The following AQP1 variants were observed in gnomAD, a reference collection of about 807,000 sequenced individuals.
AQP1 encodes aquaporin 1 (Colton blood group).
AQP1 carries 11 observed loss-of-function variants against 19.7 expected under a neutral mutation model. That is an observed-to-expected ratio of 0.56 (90% CI 0.35 to 0.92). AQP1 has a LOEUF of 0.92. Ranked by LOEUF, AQP1 falls within the 40% of genes least tolerant of loss-of-function variation. The pLI is 0.01. For synonymous variants in AQP1, 159 were observed against 166.7 expected (o/e 0.95, Z 0.36); for missense variants, 320 against 369.7 (o/e 0.87, Z 1.10).
intron 1 of AQP1, among the ~76,000 whole-genome samples, chr7:30,915,011 C>A (rs1334040573): frequency 6.6e-6 from 1 of 152,204 alleles, no homozygotes; most frequent in African/African-American, 2.4e-5. Flanking sequence ...TGTCCCTGTC[C>A]TAGCTCAGCC....
At position 30,912,355 on chromosome 7, in the gene AQP1, A is replaced by G; in HGVS notation, c.384+62A>G. The stretch of plus-strand genomic sequence containing the variant: ...AATGATGCTGAAAGGCACTGGTTCC[A>G]TCCTCTGCCCATTGTGCAGATGGGG... On this transcript the variant is annotated intron_variant, in intron 1 of 3. Transcript: ENST00000311813. This position sits in a 1 kb window ranked among gnomAD's most constrained non-coding sequence, Gnocchi z 4.3. 2 of 1,573,906 alleles carry G rather than the reference A, an allele frequency of 1.3e-6. No individual in the cohort carries two copies. The highest frequency in any genetic ancestry group is 2.2e-5 in the East Asian group (1 of 44,492).
chr7:30,912,067 C>T lies in AQP1; in HGVS notation c.158C>T (p.Ser53Leu), dbSNP rs761702121. 8.1e-6 allele frequency: 13 copies of T among 1,613,308 alleles called. No homozygotes were observed. The highest frequency in any genetic ancestry group is 1.1e-5 in the South Asian group (1 of 91,090). ...QTAVQDNVKV[S>L]LAFGLSIATL... ...GCGGTCCAGGACAACGTGAAGGTGT[C>T]GCTGGCCTTCGGGCTGAGCATCGCC... The change falls in exon 1 of 4, where the codon TCG (serine) becomes TTG (leucine). Residue 53 changes from serine (S) to leucine (L), a missense_variant. Physicochemically the swap from Ser to Leu is moderately radical, Grantham distance 145. Coordinates refer to ENST00000311813, the MANE Select transcript of AQP1 (RefSeq NM_198098.4). The surrounding 1 kb of genome is among the most constrained non-coding windows in gnomAD (Gnocchi z 4.3).
chr7:30,919,229 G>A (rs1434804322), intron 1 of AQP1, among the ~76,000 whole-genome samples: 1 of 152,210 alleles, frequency 6.6e-6, no homozygotes, highest in Non-Finnish European at 1.5e-5. Flanking sequence ...CCCAGGCCAG[G>A]AGGAGATGCA....
In AQP1 at chr7:30,922,625, A is replaced by T; in HGVS notation, c.611A>T (p.His204Leu). 1 of 1,614,114 alleles carries T rather than the reference A, an allele frequency of 6.2e-7. No individual in the cohort carries two copies. Among genetic ancestry groups the T allele is most frequent in the Non-Finnish European group, 8.5e-7 (1 of 1,179,990 alleles). ...TCCTTTGGCTCCGCGGTGATCACAC[A>T]CAACTTCAGCAACCACTGGGTAGGA... ...ARSFGSAVIT[H>L]NFSNHWIFWV... Residue 204 changes from histidine (H) to leucine (L), a missense_variant, in exon 3 of 4, where the codon CAC becomes CTC. His to Leu is a moderately conservative substitution (Grantham distance 99). Transcript: ENST00000311813.
chr7:30,914,333 C>T (rs985808101), intron 1 of AQP1, among the ~76,000 whole-genome samples: 4 of 152,200 alleles, frequency 2.6e-5, no homozygotes, highest in East Asian at 1.9e-4. Context: ...CCCTGACCCT[C>T]GAGAGGGAAC....
chr7:30,912,001 C>T lies in AQP1; in HGVS notation c.92C>T (p.Ser31Phe). 1 of 1,613,664 alleles carries T rather than the reference C, an allele frequency of 6.2e-7. No individual in the cohort carries two copies. The highest frequency in any genetic ancestry group is 8.5e-7 in the Non-Finnish European group (1 of 1,180,038). Residue 31 changes from serine to phenylalanine, a missense_variant, in exon 1 of 4, where the codon TCT becomes TTT. Transcript: ENST00000311813. The surrounding 1 kb of genome is among the most constrained non-coding windows in gnomAD (Gnocchi z 4.3). The part of the protein sequence containing the change: ...TTLFVFISIG[S>F]ALGFKYPVGN... ...CTCTTTGTCTTCATCAGCATCGGTT[C>T]TGCCCTGGGCTTCAAATACCCGGTG...
At chr7:30,920,330 G>T (rs1791467856) in intron 1 of AQP1, among the ~76,000 whole-genome samples, 1 of 152,138 alleles carries the variant, frequency 6.6e-6, no homozygotes, top group African/African-American at 2.4e-5. Flanking sequence ...AGGGACAGGG[G>T]CCTCACAGGT....
At chr7:30,921,846 G>C (rs1318358396) in intron 1 of AQP1, 1 of 1,545,142 alleles carries the variant, frequency 6.5e-7, no homozygotes. Flanking sequence ...CAGGTATTAG[G>C]GGCTGGGCTG....
intron 1 of AQP1, among the ~76,000 whole-genome samples, chr7:30,914,489 T>A (rs1338103679): frequency 6.6e-6 from 1 of 152,214 alleles, no homozygotes; most frequent in Non-Finnish European, 1.5e-5. Flanking sequence ...TGGTGGGGGC[T>A]CAGGCGCTGT....
chr7:30,916,512 C>T (rs1791358541), intron 1 of AQP1, among the ~76,000 whole-genome samples: 1 of 152,250 alleles, frequency 6.6e-6, no homozygotes, highest in African/African-American at 2.4e-5. Context: ...TGGCCAGGAT[C>T]CCCTCAGTCA....
intron 2 of AQP1, 58 bp downstream of exon 2, chr7:30,922,288 GTGCCC>G: frequency 6.5e-7 from 1 of 1,531,082 alleles, no homozygotes; most frequent in Non-Finnish European, 8.7e-7. Flanking sequence ...GGCTGGTGGG[GTGCCC>G]TGCCATGGGC....
intron 1 of AQP1, among the ~76,000 whole-genome samples, chr7:30,915,965 C>T (rs1017868983): frequency 2.0e-5 from 3 of 152,162 alleles, no homozygotes; most frequent in African/African-American, 7.2e-5. Context: ...GGTGATGCCA[C>T]ATCTGGGACA....
Position 30,924,230 on chromosome 7 carries a change from G to T in AQP1, c.*601G>T. On this transcript the variant is annotated 3_prime_UTR_variant, in exon 4 of 4. Transcript: ENST00000311813. ...CTGAGTGACCTCCTTCTGCAAAGTG[G>T]CAGGGACCGGCAGAGCTCTACAGGC... 1.5e-6 allele frequency: 1 copy of T among 667,068 alleles called. No homozygotes were observed. Among genetic ancestry groups the T allele is most frequent in the South Asian group, 3.1e-5 (1 of 32,712 alleles). The allele number at this position is 667,068 out of a possible 1,614,324, so 41.3% of individuals were successfully genotyped here.
At chr7:30,913,998 C>T (rs971134175) in intron 1 of AQP1, among the ~76,000 whole-genome samples, 3 of 152,082 alleles carry the variant, frequency 2.0e-5, no homozygotes, top group Admixed American at 1.3e-4. Context: ...GCTTTCTGGC[C>T]CCGTCTCTTC....
chr7:30,922,012 A>G lies in AQP1; in HGVS notation c.385-54A>G. 2.5e-6 allele frequency: 4 copies of G among 1,609,232 alleles called. No homozygotes were observed. In the South Asian group the frequency reaches 3.3e-5, roughly 13 times the overall value. On this transcript the variant is annotated intron_variant, in intron 1 of 3. Transcript: ENST00000311813. ...GCCTGGGTATCCTTGGGGTCCTGGGACACAGTCCCTGCCTACCCTCCTCAC... is the reference window on the plus strand; with the variant it reads ...GCCTGGGTATCCTTGGGGTCCTGGGGCACAGTCCCTGCCTACCCTCCTCAC...
Position 30,912,636 on chromosome 7 carries a change from C to G in AQP1, c.384+343C>G, listed in dbSNP as rs1429598987. 2.0e-5 allele frequency among the ~76,000 whole-genome samples: 3 copies of G among 152,218 alleles called. No individual in the cohort carries two copies. Among genetic ancestry groups the G allele is most frequent in the Non-Finnish European group, 4.4e-5 (3 of 68,038 alleles). Reference sequence around the variant, plus strand: ...GCCCTTCTCAGTCCTGCCTGTGCCGCCAGCTCCCTCCTCCTGCAGCCCTGC... The same window carrying G: ...GCCCTTCTCAGTCCTGCCTGTGCCGGCAGCTCCCTCCTCCTGCAGCCCTGC... On this transcript the variant is annotated intron_variant, in intron 1 of 3. Coordinates refer to ENST00000311813, the MANE Select transcript of AQP1 (RefSeq NM_198098.4). This position sits in a 1 kb window ranked among gnomAD's most constrained non-coding sequence, Gnocchi z 4.3.
At chr7:30,921,739 A>AC (rs1397895008) in intron 1 of AQP1, 1 of 1,550,326 alleles carries the variant, frequency 6.5e-7, no homozygotes, top group Admixed American at 2.0e-5. Context: ...TGGTCTTGGT[A>AC]CCCCAGAATA....
intron 1 of AQP1, chr7:30,921,374 G>T (rs1449781930): frequency 1.4e-6 from 2 of 1,397,108 alleles, no homozygotes; most frequent in East Asian, 2.6e-5. Context: ...GGGAGGGTGA[G>T]GCTGAGGCCA....
chr7:30,917,141 G>A (rs1438942228), intron 1 of AQP1, among the ~76,000 whole-genome samples: 2 of 152,232 alleles, frequency 1.3e-5, no homozygotes, highest in East Asian at 1.9e-4. Context: ...GTGGAGACTT[G>A]TCAAGGTGGC....
Sources: gnomAD v4.1 joint callset for allele counts (sites outside exome capture counted in the v4.1 genomes callset) on GRCh38, gnomAD v4.1.1 for gene constraint, Gnocchi (gnomAD v3.1) non-coding constraint, MANE v1.5 for transcripts, NCBI Gene and HGNC (gene_info 2026-07-23, HGNC 2026-07-21) for gene names.